HDAC9: variants seen among roughly 807,000 people sequenced by gnomAD.
HDAC9 encodes the protein histone deacetylase 9.
A neutral mutation model predicts 139.4 loss-of-function variants in HDAC9; 41 were observed. That is an observed-to-expected ratio of 0.29 (90% CI 0.23 to 0.38). The LOEUF (loss-of-function observed/expected upper bound fraction) is 0.38. Among genes scored for constraint, HDAC9 ranks in the 10% least tolerant of loss-of-function variants. The pLI is 1.00. For synonymous variants in HDAC9, 517 were observed against 476.2 expected (o/e 1.09, Z -1.12); for missense variants, 1,147 against 1,297.0 (o/e 0.88, Z 1.78).
intron 1 of HDAC9, among the ~76,000 whole-genome samples, chr7:18,320,587 C>G (rs1799956121): frequency 1.3e-5 from 2 of 152,172 alleles, no homozygotes; most frequent in African/African-American, 4.8e-5. Context: ...GCTCATGGAA[C>G]TTGAAGGACC....
At position 18,319,725 on chromosome 7, in the gene HDAC9, T is replaced by TTTGGAAGGTAAA. The variant is rs921964856; in HGVS notation, c.-42+29211_-42+29212insTGGAAGGTAAAT. 2.2e-4 allele frequency among the ~76,000 whole-genome samples: 4 copies of TTTGGAAGGTAAA among 18,088 alleles called. No homozygotes were observed. The Admixed American group carries it at 2.7e-3, about 12-fold the overall frequency. 11.9% of individuals were successfully genotyped at this position (18,088 alleles called of 152,430 possible). A position where few individuals can be genotyped will look rare whatever the true frequency, so the allele number is the denominator to read the frequency against. On this transcript the variant is annotated intron_variant, in intron 1 of 3. Transcript: ENST00000413509. ...TCAAAAAAATTTTTAGCCATCCAAC[T>TTTGGAAGGTAAA]TATGTATTTGTCATCTACAGCTAGG...
intron 1 of HDAC9, among the ~76,000 whole-genome samples, chr7:18,373,800 A>T (rs1047915993): frequency 6.6e-6 from 1 of 152,122 alleles, no homozygotes; most frequent in Non-Finnish European, 1.5e-5. Flanking sequence ...ATGATAATAT[A>T]TTTTTTCTGG....
chr7:18,147,021 GT>G (rs1460950540), intron 1 of HDAC9, among the ~76,000 whole-genome samples: 1 of 152,142 alleles, frequency 6.6e-6, no homozygotes, highest in African/African-American at 2.4e-5. Flanking sequence ...TAGCAAATAG[GT>G]TTATTGAGCC....
At chr7:18,251,188 G>C (rs1794896098) in intron 2 of HDAC9, among the ~76,000 whole-genome samples, 1 of 152,188 alleles carries the variant, frequency 6.6e-6, no homozygotes, top group Non-Finnish European at 1.5e-5. Flanking sequence ...AGAAAGGAGT[G>C]AGATCATGTC....
At chr7:18,908,057 G>A (rs935802987) in intron 22 of HDAC9, among the ~76,000 whole-genome samples, 3 of 151,810 alleles carry the variant, frequency 2.0e-5, no homozygotes, top group Non-Finnish European at 4.4e-5. Context: ...CACTTTATAT[G>A]GACCATTTTT....
At chr7:18,235,100 G>T (rs1170291795) in intron 2 of HDAC9, among the ~76,000 whole-genome samples, 1 of 152,118 alleles carries the variant, frequency 6.6e-6, no homozygotes, top group Non-Finnish European at 1.5e-5. Flanking sequence ...CACCCTAGAT[G>T]ATTGTTATCC....
intron 1 of HDAC9, among the ~76,000 whole-genome samples, chr7:18,356,585 C>G (rs543015758): frequency 4.6e-5 from 7 of 152,048 alleles, no homozygotes; most frequent in African/African-American, 1.7e-4. Context: ...TCTTTCAGCT[C>G]TCTCTACAGG....
chr7:18,408,428 A>T (rs1380731240), intron 1 of HDAC9, among the ~76,000 whole-genome samples: 1 of 152,212 alleles, frequency 6.6e-6, no homozygotes, highest in Non-Finnish European at 1.5e-5. Flanking sequence ...CTATAATAAT[A>T]ATTCTACTAG....
intron 1 of HDAC9, among the ~76,000 whole-genome samples, chr7:18,443,248 T>A (rs1454485119): frequency 6.6e-6 from 1 of 152,210 alleles, no homozygotes; most frequent in Non-Finnish European, 1.5e-5. Flanking sequence ...AGGGATTAGA[T>A]AAATTATATT....
intron 13 of HDAC9, among the ~76,000 whole-genome samples, chr7:18,733,168 C>A (rs1022191686): frequency 7.0e-6 from 1 of 142,554 alleles, no homozygotes; most frequent in Non-Finnish European, 1.5e-5. Flanking sequence ...CGTGTATACA[C>A]ATGTATATAT....
At chr7:18,891,617 T>C (rs972995925) in intron 22 of HDAC9, among the ~76,000 whole-genome samples, 5 of 152,186 alleles carry the variant, frequency 3.3e-5, no homozygotes, top group African/African-American at 4.8e-5. Flanking sequence ...TCTTAGTCTT[T>C]CCAGGGTGCT....
intron 13 of HDAC9, among the ~76,000 whole-genome samples, chr7:18,741,098 T>C (rs1787405353): frequency 6.6e-6 from 1 of 152,210 alleles, no homozygotes; most frequent in Non-Finnish European, 1.5e-5. Flanking sequence ...CAGCAAGTGT[T>C]GATGTAGAAG....
intron 17 of HDAC9, among the ~76,000 whole-genome samples, chr7:18,809,971 A>G (rs75391218): frequency 0.017 from 2,511 of 152,110 alleles, 24 homozygotes; most frequent in Non-Finnish European, 0.026. Flanking sequence ...AAAAACCTAA[A>G]TGTGCATTAG....
chr7:18,166,888 CA>C (rs1788049204), intron 2 of HDAC9, among the ~76,000 whole-genome samples: 1 of 151,858 alleles, frequency 6.6e-6, no homozygotes, highest in Admixed American at 6.6e-5. Flanking sequence ...AGTGTGTTAC[CA>C]AAAAAATGAA....
upstream of HDAC9, among the ~76,000 whole-genome samples, chr7:18,491,177 A>G (rs1586260592): frequency 6.6e-6 from 1 of 151,988 alleles, no homozygotes; most frequent in Non-Finnish European, 1.5e-5. Flanking sequence ...TTGAAATCCC[A>G]AAAGATGAAA....
intron 22 of HDAC9, among the ~76,000 whole-genome samples, chr7:18,875,988 G>A (rs1799292821): frequency 6.6e-6 from 1 of 152,146 alleles, no homozygotes; most frequent in South Asian, 2.1e-4. Flanking sequence ...GAAGAGAGGA[G>A]TGTCTATGTT....
chr7:18,682,471 G>C (rs1336845430), intron 12 of HDAC9, among the ~76,000 whole-genome samples: 1 of 151,934 alleles, frequency 6.6e-6, no homozygotes, highest in African/African-American at 2.4e-5. Flanking sequence ...TCTACATATT[G>C]ATTTTAGAAT....
At chr7:18,614,227 A>G (rs543061731) in intron 6 of HDAC9, among the ~76,000 whole-genome samples, 1 of 152,230 alleles carries the variant, frequency 6.6e-6, no homozygotes, top group Admixed American at 6.5e-5. Flanking sequence ...CATAGACTTC[A>G]GGCTAACATT....
At position 18,707,478 on chromosome 7, in the gene HDAC9, T is replaced by G. The variant is rs573905363; in HGVS notation, c.1732-20102T>G. On this transcript the variant is annotated intron_variant, in intron 12 of 25. Coordinates refer to ENST00000686413, the MANE Select transcript of HDAC9 (RefSeq NM_178425.4). The stretch of plus-strand genomic sequence containing the variant: ...GTCTAATAAAAAGGTATGAAAATAT[T>G]TATAAATATATGCAGGAATATACAG... Among the ~76,000 whole-genome samples, 10 of 152,272 alleles carry G rather than the reference T, an allele frequency of 6.6e-5. No individual in the cohort carries two copies. In the South Asian group the frequency reaches 2.1e-3, roughly 32 times the overall value.
Sources: allele counts gnomAD v4.1 joint callset (sites outside exome capture counted in the v4.1 genomes callset), GRCh38; gene constraint gnomAD v4.1.1; transcripts MANE v1.5; gene names NCBI Gene and HGNC (gene_info 2026-07-23, HGNC 2026-07-21).